COL3A1: variants seen among roughly 807,000 people sequenced by gnomAD.
The protein encoded by COL3A1 is collagen type III alpha 1 chain.
COL3A1 carries 46 observed loss-of-function variants against 200.9 expected under a neutral mutation model. The observed-to-expected ratio is 0.23, with a 90% CI of 0.18 to 0.29. The LOEUF (loss-of-function observed/expected upper bound fraction) is 0.29, where lower values mean the gene tolerates loss of function less well. Among genes scored for constraint, COL3A1 ranks in the 10% least tolerant of loss-of-function variants. The pLI, the probability that COL3A1 is intolerant of heterozygous loss-of-function variation, is 1.00. For missense variants in COL3A1, 1,367 were observed against 1,917.6 expected, an observed-to-expected ratio of 0.71 and a Z score of 5.36; for synonymous variants, 650 against 628.0, an observed-to-expected ratio of 1.03 and a Z score of -0.52.
Position 189,001,257 on chromosome 2 carries a change from A to G in COL3A1, c.2284-140A>G, listed in dbSNP as rs13386587. 1,174 of 733,516 alleles carry G rather than the reference A, an allele frequency of 1.6e-3. 14 individuals carry two copies. The African/African-American group carries it at 0.019, about 12-fold the overall frequency. The allele number at this position is 733,516 out of a possible 1,614,324, so 45.4% of individuals were successfully genotyped here. On this transcript the variant is annotated intron_variant, in intron 32 of 50. Coordinates refer to ENST00000304636, the MANE Select transcript of COL3A1 (RefSeq NM_000090.4). ...AGTATTTACACATTGAGAGAAAAGC[A>G]TAGCATTCAAGCCATAAAAATTTTT...
At chr2:188,993,592 C>G (rs1688234276) in intron 16 of COL3A1, 133 bp downstream of exon 16, 1 of 781,016 alleles carries the variant, frequency 1.3e-6, no homozygotes, top group East Asian at 2.7e-5. Flanking sequence ...AAAATTGTTG[C>G]TTAGTGCTCT....
At chr2:188,988,853 A>G (rs1302091032) in intron 7 of COL3A1, among the ~76,000 whole-genome samples, 2 of 151,954 alleles carry the variant, frequency 1.3e-5, no homozygotes, top group Non-Finnish European at 2.9e-5. Flanking sequence ...TTCCCTCATC[A>G]TTAGCCATCA....
At chr2:189,007,116 T>TATATATATAG (rs1688606292) in intron 44 of COL3A1, 126 bp downstream of exon 44, 1 of 106,318 alleles carries the variant, frequency 9.4e-6, no homozygotes, top group Non-Finnish European at 1.8e-5. Context: ...TATATATATA[T>TATATATATAG]ATATATATAT....
At chr2:189,004,884 C>T (rs536626086) in intron 40 of COL3A1, among the ~76,000 whole-genome samples, 2 of 152,048 alleles carry the variant, frequency 1.3e-5, no homozygotes, top group East Asian at 3.8e-4. Flanking sequence ...ACTTTAAGTA[C>T]TTCTTTCAAC....
At chr2:189,009,971 A>G (rs1490467930) in intron 48 of COL3A1, among the ~76,000 whole-genome samples, 1 of 152,126 alleles carries the variant, frequency 6.6e-6, no homozygotes, top group South Asian at 2.1e-4. Context: ...AGAAACCAAG[A>G]TGTTGCATTT....
intron 35 of COL3A1, 134 bp from the exon 36 acceptor site, chr2:189,002,821 C>CA (rs772965226): frequency 1.5e-5 from 11 of 747,412 alleles, no homozygotes; most frequent in Non-Finnish European, 2.3e-5. Context: ...GTCATGTCTT[C>CA]AGAAAGCCTT....
intron 27 of COL3A1, 150 bp downstream of exon 27, chr2:188,997,903 C>A: frequency 1.4e-6 from 1 of 721,142 alleles, no homozygotes; most frequent in Non-Finnish European, 2.5e-6. Flanking sequence ...GTAGGCATAT[C>A]TTCCATGTCC....
intron 45 of COL3A1, 88 bp downstream of exon 45, chr2:189,007,695 T>G (rs1004177041): frequency 1.6e-6 from 2 of 1,275,164 alleles, no homozygotes; most frequent in African/African-American, 3.0e-5. Context: ...TCTAAAAATA[T>G]GTACTAGAAG....
intron 24 of COL3A1, 60 bp from the exon 25 acceptor site, chr2:188,997,105 A>ATATATATATGAGACATAT (rs1559057594): frequency 9.3e-6 from 13 of 1,396,606 alleles, no homozygotes; most frequent in African/African-American, 8.7e-5. Flanking sequence ...TATATGAGAC[A>ATATATATATGAGACATAT]ATAATATGAT....
Position 189,008,048 on chromosome 2 carries a change from C to T in COL3A1, c.3431C>T (p.Pro1144Leu). 6.2e-7 allele frequency: 1 copy of T among 1,614,030 alleles called. No homozygotes were observed. Among genetic ancestry groups the T allele is most frequent in the South Asian group, 1.1e-5 (1 of 91,062 alleles). The change falls in exon 47 of 51, where the codon CCC (proline) becomes CTC (leucine). Residue 1144 changes from proline (P) to leucine (L), a missense_variant. Pro to Leu is a moderately conservative substitution (Grantham distance 98, BLOSUM62 -3). Around this residue, in one of 5 missense-constraint regions of COL3A1, gnomAD observed 846 missense variants for 1,147.9 expected, o/e 0.74. Transcript: ENST00000304636. ...ATACTTTCTTAGGGACCTGTTGGAC[C>T]CAGTGGACCTCCTGGCAAAGATGGA... is the stretch of plus-strand genomic sequence containing the variant. ...GPAGPRGPVGPSGPPGKDGTS... is the reference protein window; with the variant it reads ...GPAGPRGPVGLSGPPGKDGTS...
chr2:188,991,280 C>G (rs1025708367), intron 11 of COL3A1, among the ~76,000 whole-genome samples: 2 of 152,052 alleles, frequency 1.3e-5, no homozygotes, highest in African/African-American at 4.8e-5. Context: ...CTTAGTATAA[C>G]TTATCAATTA....
rs373253640 is a variant in COL3A1 at position 188,995,126 on chromosome 2, T to C, written c.1509+27T>C. 13 of 1,607,884 alleles carry C rather than the reference T, an allele frequency of 8.1e-6. No individual in the cohort carries two copies. The African/African-American group carries it at 9.4e-5, about 12-fold the overall frequency. On this transcript the variant is annotated intron_variant, in intron 21 of 50. Coordinates refer to ENST00000304636, the MANE Select transcript of COL3A1 (RefSeq NM_000090.4). Reference sequence around the variant, plus strand: ...TAGATAACTTTAGTTTCTATGTTCCTAAATGCTAGCACCACAAATGGGCAG... The same window carrying C: ...TAGATAACTTTAGTTTCTATGTTCCCAAATGCTAGCACCACAAATGGGCAG...
rs903917617 is a variant in COL3A1, at chr2:188,989,891, T to A, written c.691-205T>A. Reference sequence around the variant, plus strand: ...TGTTATTTCAGTGATTAGAAGCACCTGCATTATCTCTTTATAAGCTTATAT... The same window carrying A: ...TGTTATTTCAGTGATTAGAAGCACCAGCATTATCTCTTTATAAGCTTATAT... On this transcript the variant is annotated intron_variant, in intron 8 of 50. Coordinates refer to ENST00000304636, the MANE Select transcript of COL3A1 (RefSeq NM_000090.4). Among the ~76,000 whole-genome samples the A allele has an allele frequency of 2.0e-5, 3 of 152,192 alleles. No individual in the cohort carries two copies. In the South Asian group the frequency reaches 6.2e-4, roughly 31 times the overall value.
chr2:189,001,729 C>A lies in COL3A1; in HGVS notation c.2391+140C>A, dbSNP rs1237890604. 1.6e-5 allele frequency: 13 copies of A among 811,364 alleles called. No homozygotes were observed. In the East Asian group the frequency reaches 3.1e-4, roughly 19 times the overall value. The allele number at this position is 811,364 out of a possible 1,614,324, so 50.3% of individuals were successfully genotyped here. A position where few individuals can be genotyped will look rare whatever the true frequency, so the allele number is the denominator to read the frequency against. ...TTATCTTCAAAAACCATATAAGGAA[C>A]CATATAGCATGCAAGGGAATGTTAA... On this transcript the variant is annotated intron_variant, in intron 34 of 50. Coordinates refer to ENST00000304636, the MANE Select transcript of COL3A1 (RefSeq NM_000090.4).
At position 188,994,395 on chromosome 2, in the gene COL3A1, T is replaced by G. The variant is rs1427317008; in HGVS notation, c.1293+63T>G. 3 of 1,603,118 alleles carry G rather than the reference T, an allele frequency of 1.9e-6. No homozygotes were observed. The highest frequency in any genetic ancestry group is 2.6e-6 in the Non-Finnish European group (3 of 1,171,168). On this transcript the variant is annotated intron_variant, in intron 18 of 50. Transcript: ENST00000304636. This position sits in a 1 kb window ranked among gnomAD's most constrained non-coding sequence, Gnocchi z 4.5. ...ATAGTTTAATTCCATCAACAAAAAATTAATAGCAAAATTTTGCTCCTGTTC... is the reference window on the plus strand; with the variant it reads ...ATAGTTTAATTCCATCAACAAAAAAGTAATAGCAAAATTTTGCTCCTGTTC...
chr2:189,011,956 A>C lies in COL3A1; in HGVS notation c.*182A>C. 1.5e-6 allele frequency: 1 copy of C among 655,578 alleles called. No individual in the cohort carries two copies. Among genetic ancestry groups the C allele is most frequent in the South Asian group, 2.0e-5 (1 of 51,148 alleles). 40.6% of individuals were successfully genotyped at this position (655,578 alleles called of 1,614,324 possible). ...TTCTCTTTTTTTGCTGTTCCACCAAATACAATTCAAATGCTTTTTGTTTTA... is the reference window on the plus strand; with the variant it reads ...TTCTCTTTTTTTGCTGTTCCACCAACTACAATTCAAATGCTTTTTGTTTTA... On this transcript the variant is annotated 3_prime_UTR_variant, in exon 51 of 51. Coordinates refer to ENST00000304636, the MANE Select transcript of COL3A1 (RefSeq NM_000090.4).
chr2:188,974,737 A>G (rs1026398045), intron 1 of COL3A1, among the ~76,000 whole-genome samples, 169 bp downstream of exon 1: 1 of 152,188 alleles, frequency 6.6e-6, no homozygotes, highest in South Asian at 2.1e-4. Flanking sequence ...ACATTACTTG[A>G]AAAATAATCG....
rs1688666817 is a variant in COL3A1, at chr2:189,009,224, A to G, written c.3823+3A>G. On this transcript the variant is annotated splice_donor_region_variant and intron_variant, in intron 48 of 50. Transcript: ENST00000304636. ...CTGCCATCCTGAACTCAAGAGTGGT[A>G]TGTTTGGTAGTCTTTCATCTTCATG... The G allele has an allele frequency of 1.2e-6, 2 of 1,614,112 alleles. No individual in the cohort carries two copies. Among genetic ancestry groups the G allele is most frequent in the Non-Finnish European group, 1.7e-6 (2 of 1,180,032 alleles).
At chr2:188,975,427 A>C (rs1439947303) in intron 1 of COL3A1, among the ~76,000 whole-genome samples, 2 of 152,148 alleles carry the variant, frequency 1.3e-5, no homozygotes, top group Non-Finnish European at 2.9e-5. Context: ...CTCATTATTT[A>C]TGTGAAAATA....
Sources: gnomAD v4.1 joint callset for allele counts (sites outside exome capture counted in the v4.1 genomes callset) on GRCh38, gnomAD v4.1.1 for gene constraint, gnomAD v4.1.1 regional missense constraint, Gnocchi (gnomAD v3.1) non-coding constraint, MANE v1.5 for transcripts, NCBI Gene and HGNC (gene_info 2026-07-23, HGNC 2026-07-21) for gene names.